KAZN: variants seen among roughly 807,000 people sequenced by gnomAD.
KAZN encodes the protein kazrin.
Under a neutral mutation model 87.4 loss-of-function variants are expected in KAZN, and 40 were observed. The ratio of observed to expected loss-of-function variants is 0.46; its 90% CI spans 0.36 to 0.60. The LOEUF is 0.60. Ranked by LOEUF, KAZN falls within the 20% of genes least tolerant of loss-of-function variation. KAZN has a pLI of 0.00. For missense variants in KAZN, 898 were observed against 1,073.9 expected, an observed-to-expected ratio of 0.84 and a Z score of 2.29; for synonymous variants, 466 against 458.3, an observed-to-expected ratio of 1.02 and a Z score of -0.22.
rs1570583550 is a variant in KAZN at position 14,036,802 on chromosome 1, TG to T, written c.91+143048del. Among the ~76,000 whole-genome samples the T allele has an allele frequency of 5.3e-5, 8 of 151,900 alleles. No homozygotes were observed. The South Asian group carries it at 1.7e-3, about 32-fold the overall frequency. On this transcript the variant is annotated intron_variant, in intron 1 of 16. Transcript: ENST00000636203. ...TATTATTATCATTATTATTTTGAGATGGAGTCTCGCTCTGTCGCCCAGGCTG... is the reference window on the plus strand; with the variant it reads ...TATTATTATCATTATTATTTTGAGATGAGTCTCGCTCTGTCGCCCAGGCTG...
chr1:14,550,812 A>C (rs1673471240), intron 2 of KAZN, among the ~76,000 whole-genome samples: 1 of 137,796 alleles, frequency 7.3e-6, no homozygotes, highest in African/African-American at 2.7e-5. Context: ...GATCAGACTG[A>C]AATTCTTCAG....
chr1:14,765,485 G>T (rs755418032), intron 1 of KAZN, among the ~76,000 whole-genome samples: 28 of 152,218 alleles, frequency 1.8e-4, no homozygotes, highest in Non-Finnish European at 3.5e-4. Flanking sequence ...CAGAGGTGGG[G>T]TTTCAATTGA....
rs1461350371 is a variant in KAZN at position 13,893,744 on chromosome 1, CT to C, written c.81del (p.Met28CysfsTer41). 1 of 1,550,430 alleles carries C rather than the reference CT, an allele frequency of 6.4e-7. No homozygotes were observed. On this transcript the variant is annotated frameshift_variant, in exon 1 of 17. Transcript: ENST00000636203. LOFTEE classifies it high-confidence loss of function. ...CCACGTCTTTGGTCAGCAGTGCCAACTTATGCAAGCAGGTAGGAATTGCGTC... is the reference window on the plus strand; with the variant it reads ...CCACGTCTTTGGTCAGCAGTGCCAACTATGCAAGCAGGTAGGAATTGCGTC...
At chr1:15,068,550 C>T (rs1380347092) in intron 8 of KAZN, among the ~76,000 whole-genome samples, 1 of 152,026 alleles carries the variant, frequency 6.6e-6, no homozygotes, top group African/African-American at 2.4e-5. Flanking sequence ...CCTCCGTGGA[C>T]CTCTGCGCGT....
chr1:14,663,438 C>T (rs1639320705), intron 1 of KAZN, among the ~76,000 whole-genome samples: 2 of 152,128 alleles, frequency 1.3e-5, no homozygotes, highest in East Asian at 1.9e-4. Context: ...TTTCCTTTCT[C>T]GATTGCCAGC....
chr1:14,527,998 CCTATCTATCTATCTATCTATCTATCTAT>C (rs200376042), intron 2 of KAZN, among the ~76,000 whole-genome samples: 3 of 145,288 alleles, frequency 2.1e-5, no homozygotes, highest in East Asian at 2.1e-4. Flanking sequence ...GGTCTAGAAT[CCTATCTATCTATCTATCTATCTATCTAT>C]CTATCTATCT....
intron 2 of KAZN, among the ~76,000 whole-genome samples, chr1:14,273,580 C>A (rs1652119852): frequency 6.6e-6 from 1 of 152,004 alleles, no homozygotes; most frequent in African/African-American, 2.4e-5. Context: ...AAGCTTAGCC[C>A]AGAATTAATG....
chr1:14,703,888 A>G (rs1642064570), intron 1 of KAZN, among the ~76,000 whole-genome samples: 2 of 152,224 alleles, frequency 1.3e-5, no homozygotes, highest in African/African-American at 4.8e-5. Context: ...TTGTCTCTAA[A>G]AAAATGAAAA....
At chr1:14,166,887 C>T (rs947637607) in intron 1 of KAZN, among the ~76,000 whole-genome samples, 2 of 152,174 alleles carry the variant, frequency 1.3e-5, no homozygotes, top group African/African-American at 2.4e-5. Context: ...TCATTCTCCT[C>T]CAGGTACAAT....
intron 2 of KAZN, among the ~76,000 whole-genome samples, chr1:15,031,920 G>C (rs1488183353): frequency 1.3e-5 from 2 of 151,954 alleles, no homozygotes; most frequent in African/African-American, 2.4e-5. Flanking sequence ...ATTTTGTTTT[G>C]CTTTCTTAAC....
chr1:15,050,732 C>T (rs1435533506), intron 4 of KAZN, among the ~76,000 whole-genome samples: 2 of 152,144 alleles, frequency 1.3e-5, no homozygotes, highest in Non-Finnish European at 2.9e-5. Flanking sequence ...GGGGGCCTGC[C>T]GCCCTGCATG....
In KAZN at chr1:14,984,143, G is replaced by C. The variant is rs147398541; in HGVS notation, c.418+23268G>C. On this transcript the variant is annotated intron_variant, in intron 2 of 14. Transcript: ENST00000376030. ...GCACTTTGGGAGGCCGAGGCAGGCA[G>C]ATCACTTGAAGTCAGGAGTTTGAGA... Among the ~76,000 whole-genome samples, 1,172 of 152,202 alleles carry C rather than the reference G, an allele frequency of 7.7e-3. 17 individuals are homozygous for C. Among genetic ancestry groups the C allele is most frequent in the African/African-American group, 0.027 (1,113 of 41,508 alleles).
intron 1 of KAZN, among the ~76,000 whole-genome samples, chr1:14,796,341 A>G (rs926603049): frequency 1.3e-5 from 2 of 152,182 alleles, no homozygotes; most frequent in Non-Finnish European, 2.9e-5. Flanking sequence ...CTCAAGGCCC[A>G]TGTCTTAGTG....
chr1:14,337,179 A>G (rs148461950), intron 2 of KAZN, among the ~76,000 whole-genome samples: 1 of 152,334 alleles, frequency 6.6e-6, no homozygotes, highest in African/African-American at 2.4e-5. Context: ...AGCCCTTATT[A>G]TTTGAAGCTA....
intron 1 of KAZN, among the ~76,000 whole-genome samples, chr1:14,960,399 C>T (rs1271735107): frequency 5.3e-5 from 8 of 152,160 alleles, no homozygotes; most frequent in African/African-American, 9.7e-5. Flanking sequence ...CTCCTAAGAC[C>T]GTCGGCCACC....
At chr1:14,626,309 A>C (rs1322310545) in intron 1 of KAZN, among the ~76,000 whole-genome samples, 1 of 152,382 alleles carries the variant, frequency 6.6e-6, no homozygotes, top group Non-Finnish European at 1.5e-5. Context: ...GGATGAAAAT[A>C]TAAAGCTTCA....
intron 1 of KAZN, among the ~76,000 whole-genome samples, chr1:14,143,047 C>T (rs1645274311): frequency 6.6e-6 from 1 of 152,126 alleles, no homozygotes; most frequent in Non-Finnish European, 1.5e-5. Context: ...GCTGGAGGAA[C>T]ATCACCTAAT....
At chr1:14,306,050 A>T (rs1654901895) in intron 2 of KAZN, among the ~76,000 whole-genome samples, 1 of 152,112 alleles carries the variant, frequency 6.6e-6, no homozygotes, top group African/African-American at 2.4e-5. Context: ...TCCAGGGAGG[A>T]AACAATTTTT....
At chr1:13,926,696 C>T (rs1471070818) in intron 1 of KAZN, among the ~76,000 whole-genome samples, 5 of 151,594 alleles carry the variant, frequency 3.3e-5, no homozygotes, top group African/African-American at 1.2e-4. Context: ...TGCATGACAG[C>T]CATAAATGGC....
Sources: allele counts gnomAD v4.1 joint callset (sites outside exome capture counted in the v4.1 genomes callset), GRCh38; gene constraint gnomAD v4.1.1; transcripts MANE v1.5; gene names NCBI Gene and HGNC (gene_info 2026-07-23, HGNC 2026-07-21).